SERGEF: variants seen among roughly 807,000 people sequenced by gnomAD.
SERGEF encodes the protein secretion regulating guanine nucleotide exchange factor.
Under a neutral mutation model 50.0 loss-of-function variants are expected in SERGEF, and 51 were observed. That is an observed-to-expected ratio of 1.02 (90% CI 0.81 to 1.29). The LOEUF is 1.29. Among genes scored for constraint, SERGEF ranks in the 50% most tolerant of loss-of-function variants. SERGEF has a pLI of 0.00. For synonymous variants in SERGEF, 205 were observed against 212.4 expected (o/e 0.97, Z 0.30); for missense variants, 521 against 557.0 (o/e 0.94, Z 0.65).
chr11:17,891,216 T>C (rs996253360), intron 9 of SERGEF, among the ~76,000 whole-genome samples: 18 of 152,150 alleles, frequency 1.2e-4, no homozygotes, highest in Non-Finnish European at 1.5e-4. Context: ...TAATTTAAAA[T>C]GTGAATTCCT....
intron 9 of SERGEF, among the ~76,000 whole-genome samples, chr11:17,896,486 A>G (rs1851622428): frequency 6.6e-6 from 1 of 151,336 alleles, no homozygotes; most frequent in African/African-American, 2.4e-5. Flanking sequence ...CGTATCACAT[A>G]AAAAATAAAG....
At chr11:17,807,337 A>C (rs5790001) in intron 10 of SERGEF, among the ~76,000 whole-genome samples, 1,208 of 22,240 alleles carry the variant, frequency 0.054, 18 homozygotes, top group African/African-American at 0.11. Context: ...CTCCCCCCCC[A>C]CAAAAAAAAT....
intron 9 of SERGEF, among the ~76,000 whole-genome samples, chr11:17,909,044 A>C (rs893559864): frequency 1.6e-4 from 25 of 152,226 alleles, no homozygotes; most frequent in African/African-American, 6.0e-4. Flanking sequence ...CTGGGGCTAA[A>C]GCCAGAATAA....
intron 9 of SERGEF, among the ~76,000 whole-genome samples, chr11:17,910,129 G>GAGA (rs3831589): frequency 0.69 from 105,096 of 151,366 alleles, 37,110 homozygotes; most frequent in African/African-American, 0.82. Context: ...AGATCCAAAA[G>GAGA]AGGTGAATTC....
chr11:17,855,710 T>G (rs1266291790), intron 10 of SERGEF: 1 of 152,174 alleles, frequency 6.6e-6, no homozygotes, highest in African/African-American at 2.4e-5. Flanking sequence ...TAACAGAAAC[T>G]GTAGAAAGTG....
intron 3 of SERGEF, among the ~76,000 whole-genome samples, chr11:18,005,376 A>C (rs1334852058): frequency 6.6e-6 from 1 of 152,248 alleles, no homozygotes; most frequent in Non-Finnish European, 1.5e-5. Flanking sequence ...ATTCGAGTCC[A>C]TCAGATAGAC....
At chr11:17,997,661 G>A (rs1398660228) in intron 5 of SERGEF, among the ~76,000 whole-genome samples, 1 of 152,052 alleles carries the variant, frequency 6.6e-6, no homozygotes, top group Non-Finnish European at 1.5e-5. Flanking sequence ...TAAGCAAAAC[G>A]TGATATATCC....
chr11:17,836,671 T>C (rs1357731645), intron 10 of SERGEF, among the ~76,000 whole-genome samples: 2 of 152,214 alleles, frequency 1.3e-5, no homozygotes, highest in Non-Finnish European at 2.9e-5. Flanking sequence ...ATATACTCCT[T>C]TCCTTAAGGA....
intron 8 of SERGEF, 152 bp from the exon 9 acceptor site, chr11:17,959,788 AT>A: frequency 1.5e-6 from 1 of 657,166 alleles, no homozygotes. Flanking sequence ...ATGCACTCAT[AT>A]TTTTACAGAT....
At chr11:17,810,315 C>T (rs2133834336) in intron 10 of SERGEF, among the ~76,000 whole-genome samples, 1 of 152,314 alleles carries the variant, frequency 6.6e-6, no homozygotes, top group Non-Finnish European at 1.5e-5. Flanking sequence ...AGCCTGGGAT[C>T]TGTCTATCCT....
chr11:17,850,993 A>G (rs1850700554), intron 10 of SERGEF, among the ~76,000 whole-genome samples: 1 of 152,208 alleles, frequency 6.6e-6, no homozygotes, highest in African/African-American at 2.4e-5. Context: ...ACTATATAAC[A>G]TTGGACAACA....
chr11:17,990,978 A>AT (rs1203123694), intron 7 of SERGEF, among the ~76,000 whole-genome samples: 8 of 152,046 alleles, frequency 5.3e-5, no homozygotes, highest in Non-Finnish European at 1.0e-4. Flanking sequence ...AAAAAACTCC[A>AT]TTTTTTAGTA....
At chr11:17,869,357 T>C (rs948225115) in intron 10 of SERGEF, among the ~76,000 whole-genome samples, 1 of 152,186 alleles carries the variant, frequency 6.6e-6, no homozygotes, top group Non-Finnish European at 1.5e-5. Flanking sequence ...CTCCCTAATA[T>C]GTAAAGAACA....
intron 10 of SERGEF, among the ~76,000 whole-genome samples, chr11:17,809,072 T>A (rs1465294925): frequency 6.6e-6 from 1 of 152,218 alleles, no homozygotes; most frequent in East Asian, 1.9e-4. Context: ...GGATATAAAA[T>A]GAACCATTCA....
At chr11:17,851,790 G>A (rs949591684) in intron 10 of SERGEF, among the ~76,000 whole-genome samples, 1 of 152,170 alleles carries the variant, frequency 6.6e-6, no homozygotes, top group African/African-American at 2.4e-5. Context: ...GACTGTGCTG[G>A]ACACTAATGA....
chr11:17,953,956 A>G (rs1221752152), intron 9 of SERGEF, among the ~76,000 whole-genome samples: 1 of 152,142 alleles, frequency 6.6e-6, no homozygotes, highest in East Asian at 1.9e-4. Context: ...TACAGCACAG[A>G]TGTGCTAGAT....
At chr11:17,940,780 C>A (rs7929492) in intron 9 of SERGEF, among the ~76,000 whole-genome samples, 279 of 152,236 alleles carry the variant, frequency 1.8e-3, no homozygotes, top group African/African-American at 6.6e-3. Flanking sequence ...TTCCTTCAGT[C>A]TTACACTGGA....
intron 9 of SERGEF, among the ~76,000 whole-genome samples, chr11:17,880,183 G>A (rs2133900113): frequency 6.6e-6 from 1 of 152,308 alleles, no homozygotes; most frequent in Non-Finnish European, 1.5e-5. Flanking sequence ...TTAATTACCA[G>A]TAAGTATTTC....
At chr11:17,961,410 G>T (rs1244729796) in intron 8 of SERGEF, among the ~76,000 whole-genome samples, 2 of 152,190 alleles carry the variant, frequency 1.3e-5, no homozygotes, top group South Asian at 2.1e-4. Context: ...CAAGAAACCA[G>T]GGGATGAGAC....
Sources: gnomAD v4.1 joint callset for allele counts (sites outside exome capture counted in the v4.1 genomes callset) on GRCh38, gnomAD v4.1.1 for gene constraint, MANE v1.5 for transcripts, NCBI Gene and HGNC (gene_info 2026-07-23, HGNC 2026-07-21) for gene names.